The following SLC2A13 variants were observed in gnomAD, a reference collection of about 807,000 sequenced individuals.
SLC2A13 encodes the protein solute carrier family 2 member 13, also known as proton myo-inositol cotransporter.
SLC2A13 carries 32 observed loss-of-function variants against 64.4 expected under a neutral mutation model. The ratio of observed to expected loss-of-function variants is 0.50; its 90% CI spans 0.37 to 0.67. The LOEUF (loss-of-function observed/expected upper bound fraction) is 0.67, where lower values mean the gene tolerates loss of function less well. SLC2A13 is among the 30% of genes least tolerant of loss of function. SLC2A13 has a pLI of 0.00. For synonymous variants in SLC2A13, 338 were observed against 327.1 expected (o/e 1.03, Z -0.36); for missense variants, 743 against 829.2 (o/e 0.90, Z 1.28).
chr12:40,056,718 T>C (rs976759950), intron 1 of SLC2A13, among the ~76,000 whole-genome samples: 3 of 152,156 alleles, frequency 2.0e-5, no homozygotes, highest in Non-Finnish European at 4.4e-5. Context: ...ATGTACAGAA[T>C]ATGACTAGCC....
At position 39,812,923 on chromosome 12, in the gene SLC2A13, G is replaced by T. The variant is rs563437290; in HGVS notation, c.1445+17180C>A. On this transcript the variant is annotated intron_variant, in intron 7 of 9. Transcript: ENST00000280871. ...GATCTCCCTGCAACCTCTGCCTCCT[G>T]GGTTCAAGTGATTCTCCTGCCTCAG... is the stretch of plus-strand genomic sequence containing the variant. Among the ~76,000 whole-genome samples, 107 of 143,378 alleles carry T rather than the reference G, an allele frequency of 7.5e-4. 1 individual carries two copies. The highest frequency in any genetic ancestry group is 2.7e-3 in the African/African-American group (103 of 38,626). 94.1% of individuals were successfully genotyped at this position (143,378 alleles called of 152,430 possible). A position where few individuals can be genotyped will look rare whatever the true frequency, so the allele number is the denominator to read the frequency against.
At chr12:40,104,881 A>G (rs17442511) in intron 1 of SLC2A13, among the ~76,000 whole-genome samples, 22,236 of 152,198 alleles carry the variant, frequency 0.15, 1,848 homozygotes, top group African/African-American at 0.21. Flanking sequence ...GCAGGAAAGC[A>G]GAGACCCTCG....
At chr12:39,935,446 A>G (rs1176563517) in intron 4 of SLC2A13, among the ~76,000 whole-genome samples, 1 of 152,160 alleles carries the variant, frequency 6.6e-6, no homozygotes, top group Non-Finnish European at 1.5e-5. Context: ...TCACACTATC[A>G]GAGAGTGACT....
At chr12:40,068,355 GTAT>G (rs1056950333) in intron 1 of SLC2A13, 65 of 374,700 alleles carry the variant, frequency 1.7e-4, no homozygotes, top group African/African-American at 1.2e-3. Context: ...GCCCAGTCCA[GTAT>G]TATTACCACT....
chr12:39,963,796 T>C (rs1946457602), intron 3 of SLC2A13, among the ~76,000 whole-genome samples: 1 of 152,184 alleles, frequency 6.6e-6, no homozygotes, highest in African/African-American at 2.4e-5. Context: ...ATTAGCACAT[T>C]CCCTTTTTAG....
At chr12:39,777,671 C>A (rs1325421453) in intron 7 of SLC2A13, among the ~76,000 whole-genome samples, 2 of 152,138 alleles carry the variant, frequency 1.3e-5, no homozygotes, top group African/African-American at 4.8e-5. Flanking sequence ...TCGAGAGAAG[C>A]ACATCAATGG....
At chr12:39,902,461 T>G (rs546313247) in intron 4 of SLC2A13, among the ~76,000 whole-genome samples, 1,782 of 152,224 alleles carry the variant, frequency 0.012, 21 homozygotes, top group Middle Eastern at 0.027. Flanking sequence ...GTTATTTCAA[T>G]ACTCAGTTCA....
chr12:39,855,504 A>G (rs992550138), intron 6 of SLC2A13, among the ~76,000 whole-genome samples: 1 of 152,198 alleles, frequency 6.6e-6, no homozygotes, highest in Non-Finnish European at 1.5e-5. Flanking sequence ...AGCCTTCATT[A>G]CACTGTTTTG....
At chr12:40,078,466 C>T (rs887205924) in intron 1 of SLC2A13, among the ~76,000 whole-genome samples, 8 of 152,104 alleles carry the variant, frequency 5.3e-5, no homozygotes, top group African/African-American at 1.9e-4. Flanking sequence ...TTGAATCAAC[C>T]TTGCATCCCA....
chr12:40,014,391 C>G (rs74088130), intron 3 of SLC2A13, among the ~76,000 whole-genome samples: 1 of 152,036 alleles, frequency 6.6e-6, no homozygotes, highest in Non-Finnish European at 1.5e-5. Flanking sequence ...CACTGAGACC[C>G]CAAATTGAGA....
intron 6 of SLC2A13, among the ~76,000 whole-genome samples, chr12:39,835,328 C>T (rs1942976436): frequency 6.6e-6 from 1 of 152,070 alleles, no homozygotes; most frequent in Non-Finnish European, 1.5e-5. Context: ...CCTAAATTCA[C>T]ACAAACCTTA....
chr12:40,003,184 T>A (rs1947347923), intron 3 of SLC2A13, among the ~76,000 whole-genome samples: 1 of 152,192 alleles, frequency 6.6e-6, no homozygotes, highest in African/African-American at 2.4e-5. Flanking sequence ...AGTTATATAA[T>A]CAGGAATAAA....
chr12:39,958,184 T>C (rs1300307175), intron 3 of SLC2A13, among the ~76,000 whole-genome samples: 1 of 152,224 alleles, frequency 6.6e-6, no homozygotes, highest in African/African-American at 2.4e-5. Context: ...TCAGAATTAA[T>C]GTATGTATGC....
At chr12:39,803,774 G>A (rs1404761074) in intron 7 of SLC2A13, among the ~76,000 whole-genome samples, 1 of 152,068 alleles carries the variant, frequency 6.6e-6, no homozygotes, top group African/African-American at 2.4e-5. Flanking sequence ...CATCTCACCG[G>A]AATTCCAAAA....
intron 3 of SLC2A13, among the ~76,000 whole-genome samples, chr12:39,995,549 T>C (rs934833579): frequency 6.6e-6 from 1 of 152,222 alleles, no homozygotes; most frequent in Non-Finnish European, 1.5e-5. Flanking sequence ...CTCCAGATTT[T>C]TAAGAGTAAA....
intron 1 of SLC2A13, among the ~76,000 whole-genome samples, chr12:40,057,272 G>T (rs1432866971): frequency 6.6e-6 from 1 of 152,066 alleles, no homozygotes; most frequent in Non-Finnish European, 1.5e-5. Flanking sequence ...AATGATAAAA[G>T]ATATTGTTGA....
intron 9 of SLC2A13, among the ~76,000 whole-genome samples, chr12:39,763,128 T>C (rs1175422410): frequency 1.3e-5 from 2 of 152,102 alleles, no homozygotes; most frequent in Non-Finnish European, 2.9e-5. Context: ...GTATTTATTA[T>C]GTCATGAAGA....
intron 3 of SLC2A13, among the ~76,000 whole-genome samples, chr12:39,992,377 G>C (rs1193786203): frequency 6.6e-6 from 1 of 152,034 alleles, no homozygotes; most frequent in East Asian, 1.9e-4. Flanking sequence ...TCAATACTGG[G>C]CAAGAGAAAA....
At chr12:40,017,644 T>G (rs998741193) in intron 3 of SLC2A13, among the ~76,000 whole-genome samples, 7 of 152,166 alleles carry the variant, frequency 4.6e-5, no homozygotes, top group Admixed American at 4.6e-4. Flanking sequence ...GATGACAGAC[T>G]CAACTCTCAC....
Sources: gnomAD v4.1 joint callset for allele counts (sites outside exome capture counted in the v4.1 genomes callset) on GRCh38, gnomAD v4.1.1 for gene constraint, MANE v1.5 for transcripts, NCBI Gene and HGNC (gene_info 2026-07-23, HGNC 2026-07-21) for gene names.